Variants in WWP2 observed in about 807,000 individuals in gnomAD.
WWP2 encodes WW domain containing E3 ubiquitin protein ligase 2, also known as NEDD4-like E3 ubiquitin-protein ligase WWP2.
WWP2 carries 57 observed loss-of-function variants against 121.0 expected under a neutral mutation model. The ratio of observed to expected loss-of-function variants is 0.47; its 90% CI spans 0.38 to 0.59. WWP2 has a LOEUF of 0.59. WWP2 is among the 20% of genes least tolerant of loss of function. WWP2 has a pLI of 0.00. For missense variants in WWP2, 962 were observed against 1,158.9 expected (o/e 0.83, Z 2.47); for synonymous variants, 449 against 441.3 (o/e 1.02, Z -0.22).
At chr16:69,891,234 T>G (rs1386105859) in intron 8 of WWP2, among the ~76,000 whole-genome samples, 1 of 152,142 alleles carries the variant, frequency 6.6e-6, no homozygotes, top group Non-Finnish European at 1.5e-5. Context: ...CCCACCCCAG[T>G]TTACTTAAAA....
chr16:69,804,500 T>C (rs982944188), intron 4 of WWP2, among the ~76,000 whole-genome samples: 5 of 152,216 alleles, frequency 3.3e-5, no homozygotes, highest in Non-Finnish European at 7.3e-5. Context: ...TAAAAACATA[T>C]GTGTATTTGG....
intron 7 of WWP2, among the ~76,000 whole-genome samples, chr16:69,873,950 C>G (rs1322676175): frequency 6.6e-6 from 1 of 152,158 alleles, no homozygotes; most frequent in East Asian, 1.9e-4. Context: ...TACTTGTTGT[C>G]CTTATCTCTA....
chr16:69,863,510 G>T (rs1440875416), intron 6 of WWP2, among the ~76,000 whole-genome samples: 2 of 152,040 alleles, frequency 1.3e-5, no homozygotes, highest in Non-Finnish European at 2.9e-5. Context: ...GAGGTGGCAG[G>T]CGCCTGTAAT....
intron 4 of WWP2, among the ~76,000 whole-genome samples, chr16:69,828,248 C>T (rs1170907427): frequency 6.6e-6 from 1 of 152,110 alleles, no homozygotes; most frequent in African/African-American, 2.4e-5. Flanking sequence ...GGGCAGATGC[C>T]CCATCCATGC....
intron 4 of WWP2, among the ~76,000 whole-genome samples, chr16:69,817,907 A>C (rs1049745375): frequency 6.6e-6 from 1 of 151,748 alleles, no homozygotes; most frequent in African/African-American, 2.4e-5. Flanking sequence ...AAATTCTTGT[A>C]AAGATACCTT....
intron 4 of WWP2, among the ~76,000 whole-genome samples, chr16:69,808,793 G>C (rs2056332091): frequency 6.6e-6 from 1 of 152,172 alleles, no homozygotes; most frequent in African/African-American, 2.4e-5. Context: ...CATTTGAGTT[G>C]TTTCCAGTTT....
intron 1 of WWP2, among the ~76,000 whole-genome samples, chr16:69,769,634 T>G (rs1420146434): frequency 6.6e-6 from 1 of 151,962 alleles, no homozygotes; most frequent in African/African-American, 2.4e-5. Context: ...TATCGAGAAG[T>G]GGTTTTGTTT....
intron 9 of WWP2, among the ~76,000 whole-genome samples, chr16:69,910,819 G>T (rs1031645617): frequency 1.3e-5 from 2 of 152,146 alleles, no homozygotes; most frequent in African/African-American, 4.8e-5. Flanking sequence ...TCTAAGGATC[G>T]CTGGGGACTT....
At chr16:69,857,655 C>CTTTTTTT (rs1166811815) in intron 6 of WWP2, among the ~76,000 whole-genome samples, 13 of 71,936 alleles carry the variant, frequency 1.8e-4, no homozygotes, top group African/African-American at 7.6e-4. Context: ...AAGGTCAACT[C>CTTTTTTT]TTTTTTTTTT....
intron 6 of WWP2, among the ~76,000 whole-genome samples, chr16:69,866,270 T>TTTTA (rs56801798): frequency 0.032 from 4,757 of 147,666 alleles, 111 homozygotes; most frequent in Non-Finnish European, 0.048. Flanking sequence ...AGGTTTCACA[T>TTTTA]TTTATTTATT....
intron 6 of WWP2, among the ~76,000 whole-genome samples, chr16:69,864,257 A>G (rs1015023685): frequency 6.6e-6 from 1 of 152,066 alleles, no homozygotes; most frequent in African/African-American, 2.4e-5. Flanking sequence ...GATCCCAGCT[A>G]CTTGGGAGGT....
chr16:69,888,169 G>A lies in WWP2; in HGVS notation c.834G>A (p.Pro278=), dbSNP rs577142803. The A allele has an allele frequency of 2.9e-5, 47 of 1,614,176 alleles. No homozygotes were observed. The highest frequency in any genetic ancestry group is 3.3e-4 in the Middle Eastern group (2 of 6,062). ...CTTCTCTCCCTGCCCCAGCCACACC[G>A]GCTGAAGGAGAGGAACCCAGCACTT... ...NTTSLPAPAT[P]AEGEEPSTSG... Residue 278 remains proline (P), a synonymous_variant, in exon 8 of 24, where the codon CCG becomes CCA. Transcript: ENST00000359154.
In WWP2 at chr16:69,940,244, T is replaced by C. The variant is rs969228068; in HGVS notation, c.*304T>C. 3 of 377,714 alleles carry C rather than the reference T, an allele frequency of 7.9e-6. No homozygotes were observed. Among genetic ancestry groups the C allele is most frequent in the Admixed American group, 4.2e-5 (1 of 23,758 alleles). 23.4% of individuals were successfully genotyped at this position (377,714 alleles called of 1,614,324 possible). On this transcript the variant is annotated 3_prime_UTR_variant, in exon 24 of 24. Transcript: ENST00000359154. Reference sequence around the variant, plus strand: ...TCCTCTAGACCCCACCCTGGGTGTATGTGAGTGTGCAAGGGAAGGTGTTGC... The same window carrying C: ...TCCTCTAGACCCCACCCTGGGTGTACGTGAGTGTGCAAGGGAAGGTGTTGC...
intron 9 of WWP2, among the ~76,000 whole-genome samples, chr16:69,911,964 G>A (rs546679825): frequency 2.6e-5 from 4 of 152,188 alleles, no homozygotes; most frequent in East Asian, 1.9e-4. Context: ...AAGCCTCAGC[G>A]ATTAGAGGCA....
intron 6 of WWP2, among the ~76,000 whole-genome samples, chr16:69,850,733 A>T (rs2057193014): frequency 6.6e-6 from 1 of 152,158 alleles, no homozygotes; most frequent in Admixed American, 6.5e-5. Flanking sequence ...GACATGTAAG[A>T]TATTAGGGAT....
At chr16:69,846,069 A>AAAAAAAAAAAAAAAAAAAAAAC in intron 6 of WWP2, among the ~76,000 whole-genome samples, 1 of 150,182 alleles carries the variant, frequency 6.7e-6, no homozygotes, top group Non-Finnish European at 1.5e-5. Flanking sequence ...AAAAAAAAAA[A>AAAAAAAAAAAAAAAAAAAAAAC]AGAATACTTA....
chr16:69,918,000 C>A, intron 10 of WWP2, 117 bp downstream of exon 10: 1 of 1,300,116 alleles, frequency 7.7e-7, no homozygotes, highest in Non-Finnish European at 1.0e-6. Flanking sequence ...CTGGCAACGT[C>A]AGTGCTCTGC....
At chr16:69,812,416 C>T (rs1278038322) in intron 4 of WWP2, among the ~76,000 whole-genome samples, 3 of 150,662 alleles carry the variant, frequency 2.0e-5, no homozygotes, top group South Asian at 2.1e-4. Flanking sequence ...CTGCCCGCCT[C>T]GGCCTCCCAA....
chr16:69,936,721 A>G, intron 19 of WWP2: 2 of 536,000 alleles, frequency 3.7e-6, no homozygotes, highest in East Asian at 6.6e-5. Flanking sequence ...AGTGGCATCA[A>G]GCTGAGACAT....
Sources: allele counts gnomAD v4.1 joint callset (sites outside exome capture counted in the v4.1 genomes callset), GRCh38; gene constraint gnomAD v4.1.1; transcripts MANE v1.5; gene names NCBI Gene and HGNC (gene_info 2026-07-23, HGNC 2026-07-21).